The following MAP2 variants were observed in gnomAD, a reference collection of about 807,000 sequenced individuals.
MAP2 encodes microtubule associated protein 2.
MAP2 carries 14 observed loss-of-function variants against 137.6 expected under a neutral mutation model. That is an observed-to-expected ratio of 0.10 (90% CI 0.07 to 0.16). The LOEUF (loss-of-function observed/expected upper bound fraction) is 0.16, where lower values mean the gene tolerates loss of function less well. MAP2 is among the 10% of genes least tolerant of loss of function. The probability of loss-of-function intolerance (pLI) is 1.00; values close to 1 mark genes in which losing one functional copy is unlikely to be tolerated. For synonymous variants in MAP2, 786 were observed against 782.3 expected (o/e 1.00, Z -0.08); for missense variants, 2,088 against 2,191.5 (o/e 0.95, Z 0.94).
At chr2:209,430,320 A>T (rs1391079879) in intron 1 of MAP2, among the ~76,000 whole-genome samples, 2 of 151,644 alleles carry the variant, frequency 1.3e-5, no homozygotes, top group African/African-American at 4.8e-5. Context: ...CAGCCTGCTA[A>T]TTTTGTCTAC....
chr2:209,585,615 GATTTCTCACAAC>G (rs1265350861), intron 3 of MAP2, among the ~76,000 whole-genome samples: 1 of 152,006 alleles, frequency 6.6e-6, no homozygotes, highest in Non-Finnish European at 1.5e-5. Flanking sequence ...GTGTCTTAAG[GATTTCTCACAAC>G]ATTTTGCCAC....
At chr2:209,684,921 G>A (rs556691580) in intron 7 of MAP2, among the ~76,000 whole-genome samples, 4 of 152,088 alleles carry the variant, frequency 2.6e-5, no homozygotes, top group Non-Finnish European at 5.9e-5. Context: ...TGTGCTAAAT[G>A]AGGGGAAAGA....
chr2:209,502,678 C>T (rs917458190), intron 1 of MAP2, among the ~76,000 whole-genome samples: 3 of 152,094 alleles, frequency 2.0e-5, no homozygotes, highest in Non-Finnish European at 4.4e-5. Context: ...TTTTCCATAC[C>T]GCTTGTACCA....
intron 4 of MAP2, among the ~76,000 whole-genome samples, chr2:209,650,736 A>G (rs1363201307): frequency 6.6e-6 from 1 of 152,228 alleles, no homozygotes; most frequent in African/African-American, 2.4e-5. Flanking sequence ...AATAGGGAAA[A>G]CTGTATGCAA....
rs1278381550 is a variant in MAP2, at chr2:209,696,207, G to A, written c.4037G>A (p.Gly1346Asp). ...GAAGCCCAGGCAGAACCCAAAGATGGTTCCCCAGAGGCTCCAGCTTCCCCT... is the reference window on the plus strand; with the variant it reads ...GAAGCCCAGGCAGAACCCAAAGATGATTCCCCAGAGGCTCCAGCTTCCCCT... ...AAEAQAEPKDGSPEAPASPER... is the reference protein window; with the variant it reads ...AAEAQAEPKDDSPEAPASPER... The change falls in exon 8 of 16, where the codon GGT (glycine) becomes GAT (aspartate). Residue 1346 changes from glycine to aspartate, a missense_variant. By Grantham distance (94) the Gly-to-Asp change is moderately conservative. Around this residue, in one of 6 missense-constraint regions of MAP2, gnomAD observed 591 missense variants for 642.6 expected, o/e 0.92. Coordinates refer to ENST00000682079, the MANE Select transcript of MAP2 (RefSeq NM_001375505.1). 1.2e-6 allele frequency: 2 copies of A among 1,613,644 alleles called. No individual in the cohort carries two copies. The highest frequency in any genetic ancestry group is 2.7e-5 in the African/African-American group (2 of 74,864).
chr2:209,616,849 TG>T (rs1158673982), intron 3 of MAP2, among the ~76,000 whole-genome samples: 1 of 152,124 alleles, frequency 6.6e-6, no homozygotes, highest in Non-Finnish European at 1.5e-5. Context: ...CACCACAGGC[TG>T]GGGGGCTTAG....
At chr2:209,463,884 A>C (rs750982113) in intron 1 of MAP2, among the ~76,000 whole-genome samples, 1 of 152,126 alleles carries the variant, frequency 6.6e-6, no homozygotes, top group African/African-American at 2.4e-5. Flanking sequence ...GAAGTAAAGA[A>C]AATTGTTGGT....
intron 4 of MAP2, among the ~76,000 whole-genome samples, chr2:209,630,614 C>G (rs760397520): frequency 8.6e-5 from 13 of 151,958 alleles, no homozygotes; most frequent in South Asian, 2.1e-4. Context: ...TATTTATACC[C>G]TAAGTCTTCC....
At chr2:209,536,343 T>C (rs1026801074) in intron 2 of MAP2, among the ~76,000 whole-genome samples, 8 of 152,212 alleles carry the variant, frequency 5.3e-5, no homozygotes, top group Non-Finnish European at 8.8e-5. Context: ...ATCTCTATGC[T>C]TCATTTTGGG....
At chr2:209,506,655 A>G (rs976178283) in intron 1 of MAP2, among the ~76,000 whole-genome samples, 1 of 152,164 alleles carries the variant, frequency 6.6e-6, no homozygotes, top group Admixed American at 6.5e-5. Context: ...CCATTTGACA[A>G]CATGCTTTTC....
chr2:209,472,494 C>T (rs1706013811), intron 1 of MAP2, among the ~76,000 whole-genome samples: 1 of 152,148 alleles, frequency 6.6e-6, no homozygotes. Context: ...CACTTAAAAG[C>T]TCATGGTCAG....
chr2:209,551,167 T>G (rs1215125253), intron 2 of MAP2, among the ~76,000 whole-genome samples: 2 of 152,142 alleles, frequency 1.3e-5, no homozygotes, highest in African/African-American at 2.4e-5. Flanking sequence ...CAACTTATCC[T>G]TTTTTATTAA....
chr2:209,609,301 G>A (rs1055011706), intron 3 of MAP2, among the ~76,000 whole-genome samples: 1 of 151,972 alleles, frequency 6.6e-6, no homozygotes, highest in African/African-American at 2.4e-5. Context: ...ATTAACATAT[G>A]TCATTGGGTC....
chr2:209,501,492 T>C (rs968901637), intron 1 of MAP2, among the ~76,000 whole-genome samples: 12 of 152,112 alleles, frequency 7.9e-5, no homozygotes, highest in Non-Finnish European at 1.5e-4. Context: ...ACCAATTAAC[T>C]CAAGATTATT....
intron 2 of MAP2, among the ~76,000 whole-genome samples, chr2:209,569,694 A>T (rs901775213): frequency 6.6e-6 from 1 of 151,828 alleles, no homozygotes; most frequent in African/African-American, 2.4e-5. Context: ...AACTATTAAA[A>T]ATGTGTTAAC....
chr2:209,598,495 T>C lies in MAP2; in HGVS notation c.-107+18395T>C, dbSNP rs1374805899. Among the ~76,000 whole-genome samples, 509 of 151,450 alleles carry C rather than the reference T, an allele frequency of 3.4e-3. 2 individuals are homozygous for C. Among genetic ancestry groups the C allele is most frequent in the Non-Finnish European group, 5.8e-3 (396 of 67,770 alleles). ...TAAGTTTTAGGGTACATGTGCACAA[T>C]GTGCAGGTTAGTTACATATGTATAC... On this transcript the variant is annotated intron_variant, in intron 3 of 15. Transcript: ENST00000682079.
intron 1 of MAP2, among the ~76,000 whole-genome samples, chr2:209,435,956 C>A (rs889877676): frequency 2.2e-5 from 3 of 138,226 alleles, no homozygotes; most frequent in South Asian, 2.2e-4. Context: ...ACTATATATA[C>A]AGTATATATT....
intron 5 of MAP2, among the ~76,000 whole-genome samples, chr2:209,662,186 C>G (rs1015603668): frequency 7.9e-5 from 12 of 152,168 alleles, no homozygotes; most frequent in Admixed American, 4.6e-4. Flanking sequence ...GAGCAAGGCT[C>G]TATCTAACAC....
chr2:209,664,962 C>CAAAAAAAAAAAAA (rs67286716), intron 5 of MAP2, among the ~76,000 whole-genome samples: 3 of 51,832 alleles, frequency 5.8e-5, no homozygotes, highest in Admixed American at 2.8e-4. Context: ...AACTCCGTCT[C>CAAAAAAAAAAAAA]AAAAAAAAAA....
Sources: allele counts gnomAD v4.1 joint callset (sites outside exome capture counted in the v4.1 genomes callset), GRCh38; gene constraint gnomAD v4.1.1; regional missense constraint gnomAD v4.1.1; transcripts MANE v1.5; gene names NCBI Gene and HGNC (gene_info 2026-07-23, HGNC 2026-07-21).